USP40: variants seen among roughly 807,000 people sequenced by gnomAD.
USP40 encodes ubiquitin specific peptidase 40, also known as ubiquitin carboxyl-terminal hydrolase 40.
In USP40, 143 loss-of-function variants were observed where a neutral mutation model predicts 166.2. The ratio of observed to expected loss-of-function variants is 0.86; its 90% CI spans 0.75 to 0.99. The LOEUF is 0.99. Among genes scored for constraint, USP40 ranks in the 50% least tolerant of loss-of-function variants. The pLI is 0.00. For missense variants in USP40, 1,444 were observed against 1,479.7 expected (o/e 0.98, Z 0.40); for synonymous variants, 498 against 524.0 (o/e 0.95, Z 0.68).
chr2:233,484,314 G>T (rs929533965), intron 30 of USP40, among the ~76,000 whole-genome samples: 6 of 152,136 alleles, frequency 3.9e-5, no homozygotes, highest in African/African-American at 1.4e-4. Context: ...ACTATTGTGA[G>T]GTTTGCCTTC....
intron 31 of USP40, 124 bp from the exon 32 acceptor site, chr2:233,477,627 C>T: frequency 1.2e-5 from 10 of 824,392 alleles, no homozygotes; most frequent in Non-Finnish European, 1.9e-5. Context: ...TGCAATTGCA[C>T]AGACAGATCT....
At chr2:233,509,759 T>G (rs145490878) in intron 21 of USP40, among the ~76,000 whole-genome samples, 1,899 of 150,116 alleles carry the variant, frequency 0.013, 37 homozygotes, top group East Asian at 0.085. Flanking sequence ...GAGAATCACT[T>G]GAACCCGGGA....
chr2:233,511,753 T>C lies in USP40; in HGVS notation c.2482A>G (p.Ser828Gly), dbSNP rs908313190. Residue 828 changes from serine (S) to glycine (G), a missense_variant, in exon 20 of 32, where the codon AGT becomes GGT. Ser to Gly is a moderately conservative substitution (Grantham distance 56). Coordinates refer to ENST00000678225, the MANE Select transcript of USP40 (RefSeq NM_001365479.2). ...TTTCCAAGACACAGTCCCAATGAAC[T>C]TCCCATCTTCAATTCTGCTTCCTTC... ...TLKEAELKMGSSLGLCLGKAP... is the reference protein window; with the variant it reads ...TLKEAELKMGGSLGLCLGKAP... 2 of 1,612,414 alleles carry C rather than the reference T, an allele frequency of 1.2e-6. No individual in the cohort carries two copies. The highest frequency in any genetic ancestry group is 2.7e-5 in the African/African-American group (2 of 75,016).
chr2:233,491,030 A>G, intron 26 of USP40, 137 bp downstream of exon 26: 2 of 780,558 alleles, frequency 2.6e-6, no homozygotes, highest in Non-Finnish European at 4.5e-6. Context: ...GCGGGTACTT[A>G]CCACTGAACA....
intron 10 of USP40, among the ~76,000 whole-genome samples, chr2:233,537,259 A>G (rs959978409): frequency 5.9e-5 from 9 of 152,118 alleles, no homozygotes; most frequent in Non-Finnish European, 1.3e-4. Flanking sequence ...TGCAAATACT[A>G]TGCCATTTCA....
intron 7 of USP40, among the ~76,000 whole-genome samples, chr2:233,551,096 G>A (rs943706757): frequency 6.6e-6 from 1 of 152,140 alleles, no homozygotes; most frequent in African/African-American, 2.4e-5. Context: ...CGCTGTCCTC[G>A]CAGGAGACAT....
At chr2:233,536,322 G>A (rs914268597) in intron 10 of USP40, among the ~76,000 whole-genome samples, 3 of 152,148 alleles carry the variant, frequency 2.0e-5, no homozygotes, top group Admixed American at 6.5e-5. Flanking sequence ...TATCTGAAAC[G>A]TATAGCTCAT....
Position 233,525,504 on chromosome 2 carries a change from C to A in USP40, c.1784G>T (p.Gly595Val). 6.2e-7 allele frequency: 1 copy of A among 1,612,920 alleles called. No individual in the cohort carries two copies. Among genetic ancestry groups the A allele is most frequent in the South Asian group, 1.1e-5 (1 of 90,852 alleles). Residue 595 changes from glycine to valine, a missense_variant, in exon 14 of 32, where the codon GGA becomes GTA. Coordinates refer to ENST00000678225, the MANE Select transcript of USP40 (RefSeq NM_001365479.2). The part of the protein sequence containing the change: ...VLSVAKLVPA[G>V]LHIYQSLGGD... ...GCCAAGTGACTGGTAAATGTGAAGT[C>A]CTGCTGGTACAAGCTTTGCAACACT...
chr2:233,515,816 T>C lies in USP40; in HGVS notation c.2384-3194A>G, dbSNP rs530714550. Among the ~76,000 whole-genome samples, 8 of 152,346 alleles carry C rather than the reference T, an allele frequency of 5.3e-5. No individual in the cohort carries two copies. The East Asian group carries it at 1.5e-3, about 29-fold the overall frequency. ...TGTTTTCTCCCAGAAATTTTGTAGT[T>C]TTAGGTTTTAACTTTTAGTTGTATG... On this transcript the variant is annotated intron_variant, in intron 18 of 31. Coordinates refer to ENST00000678225, the MANE Select transcript of USP40 (RefSeq NM_001365479.2).
At chr2:233,550,006 A>G (rs2125349644) in intron 7 of USP40, among the ~76,000 whole-genome samples, 1 of 152,272 alleles carries the variant, frequency 6.6e-6, no homozygotes, top group African/African-American at 2.4e-5. Flanking sequence ...ATGCAGAAGA[A>G]AAAAGAAGCC....
chr2:233,532,000 A>G (rs1202399940), intron 11 of USP40, among the ~76,000 whole-genome samples: 1 of 152,196 alleles, frequency 6.6e-6, no homozygotes, highest in Non-Finnish European at 1.5e-5. Flanking sequence ...TTCCTAAGTA[A>G]CACAAGGACC....
chr2:233,495,869 G>A (rs908930808), intron 24 of USP40, among the ~76,000 whole-genome samples: 1 of 152,246 alleles, frequency 6.6e-6, no homozygotes, highest in African/African-American at 2.4e-5. Context: ...ACAAAGTTAC[G>A]AAAATGAATA....
At chr2:233,545,269 G>C (rs2069804568) in intron 8 of USP40, among the ~76,000 whole-genome samples, 1 of 152,146 alleles carries the variant, frequency 6.6e-6, no homozygotes, top group African/African-American at 2.4e-5. Flanking sequence ...TGACAGGAGG[G>C]AAGAGGCAAA....
chr2:233,559,152 G>A (rs1219541642), intron 4 of USP40, among the ~76,000 whole-genome samples: 1 of 152,174 alleles, frequency 6.6e-6, no homozygotes, highest in Non-Finnish European at 1.5e-5. Context: ...TGTGCAACAA[G>A]CACCTTTACT....
At chr2:233,479,818 T>G (rs1029195687) in intron 31 of USP40, among the ~76,000 whole-genome samples, 16 of 151,970 alleles carry the variant, frequency 1.1e-4, no homozygotes, top group Non-Finnish European at 1.6e-4. Context: ...CCCGGGGCCC[T>G]TAGGGAGTCA....
chr2:233,490,985 C>T (rs903814681), intron 26 of USP40, 182 bp downstream of exon 26: 6 of 707,702 alleles, frequency 8.5e-6, no homozygotes, highest in African/African-American at 7.0e-5. Flanking sequence ...AGTGAGGCCA[C>T]GAGGAGCCGT....
chr2:233,500,808 G>A (rs1220176932), intron 21 of USP40, among the ~76,000 whole-genome samples: 2 of 152,180 alleles, frequency 1.3e-5, no homozygotes, highest in Non-Finnish European at 2.9e-5. Flanking sequence ...CAGAAGCAAA[G>A]CACACTCTTC....
At position 233,565,414 on chromosome 2, in the gene USP40, AC is replaced by A. The variant is rs1276134983; in HGVS notation, c.140del (p.Gly47ValfsTer61). 2 of 1,537,182 alleles carry A rather than the reference AC, an allele frequency of 1.3e-6. No individual in the cohort carries two copies. Among genetic ancestry groups the A allele is most frequent in the Non-Finnish European group, 1.7e-6 (2 of 1,146,886 alleles). On this transcript the variant is annotated frameshift_variant, in exon 2 of 32. Transcript: ENST00000678225. LOFTEE classifies it high-confidence loss of function. The part of the protein sequence containing the change: ...FTNLSGIRNQ[G>X]GTCYLNSLLQ... Reference sequence around the variant, plus strand: ...GAAGGGAATTGAGGTAACAGGTTCCACCCTGATTTCTGATTCCGCTTAAATT... The same window carrying A: ...GAAGGGAATTGAGGTAACAGGTTCCACCTGATTTCTGATTCCGCTTAAATT...
At chr2:233,520,969 C>T (rs765854861) in intron 17 of USP40, 22 bp downstream of exon 17, 1 of 1,594,196 alleles carries the variant, frequency 6.3e-7, no homozygotes, top group Admixed American at 1.8e-5. Context: ...TATCAGCCAA[C>T]CTTTAATTAT....
Sources: allele counts gnomAD v4.1 joint callset (sites outside exome capture counted in the v4.1 genomes callset), GRCh38; gene constraint gnomAD v4.1.1; transcripts MANE v1.5; gene names NCBI Gene and HGNC (gene_info 2026-07-23, HGNC 2026-07-21).